MEI4: variants seen among roughly 807,000 people sequenced by gnomAD.
MEI4 encodes meiosis-specific protein MEI4.
Under a neutral mutation model 31.4 loss-of-function variants are expected in MEI4, and 27 were observed. The observed-to-expected ratio is 0.86, with a 90% CI of 0.63 to 1.19. The LOEUF (loss-of-function observed/expected upper bound fraction) is 1.19. Ranked by LOEUF, MEI4 falls within the 50% of genes most tolerant of loss-of-function variation. The pLI, the probability that MEI4 is intolerant of heterozygous loss-of-function variation, is 0.00. For synonymous variants in MEI4, 122 were observed against 145.4 expected (o/e 0.84, Z 1.16); for missense variants, 329 against 398.9 (o/e 0.82, Z 1.49).
chr6:77,690,907 A>G lies in MEI4; in HGVS notation c.232+4A>G, dbSNP rs72896583. The G allele has an allele frequency of 0.1, 124,860 of 1,224,990 alleles. 7,031 individuals carry two copies. Among genetic ancestry groups the G allele is most frequent in the Admixed American group, 0.14 (3,317 of 23,662 alleles). 75.9% of individuals were successfully genotyped at this position (1,224,990 alleles called of 1,614,324 possible). ...TGTTCAGGATCCTTTAAGAGTGGTGAGTATATAAAATTGCCTTTTGGTAGT... is the reference window on the plus strand; with the variant it reads ...TGTTCAGGATCCTTTAAGAGTGGTGGGTATATAAAATTGCCTTTTGGTAGT... On this transcript the variant is annotated splice_donor_region_variant and intron_variant, in intron 2 of 4. Coordinates refer to ENST00000684080, the MANE Select transcript of MEI4 (RefSeq NM_001322247.2).
chr6:77,810,264 T>C (rs1031660180), intron 3 of MEI4, among the ~76,000 whole-genome samples: 5 of 152,154 alleles, frequency 3.3e-5, no homozygotes, highest in African/African-American at 1.2e-4. Context: ...GAAAAATCTG[T>C]AGTTAACACT....
At chr6:77,706,783 C>G (rs1252235565) in intron 2 of MEI4, among the ~76,000 whole-genome samples, 1 of 152,120 alleles carries the variant, frequency 6.6e-6, no homozygotes, top group African/African-American at 2.4e-5. Flanking sequence ...CTCTTGCTTC[C>G]TGACTCACCA....
At chr6:77,866,348 A>T (rs1051333945) in intron 4 of MEI4, among the ~76,000 whole-genome samples, 10 of 152,164 alleles carry the variant, frequency 6.6e-5, no homozygotes, top group African/African-American at 2.4e-4. Flanking sequence ...CTCAGCCCAA[A>T]ATCTCCTTAA....
rs1768304955 is a variant in MEI4, at chr6:77,771,133, A to AATCG, written c.768+9470_768+9473dup. Among the ~76,000 whole-genome samples the AATCG allele has an allele frequency of 3.3e-5, 5 of 152,158 alleles. No individual in the cohort carries two copies. In the South Asian group the frequency reaches 1.0e-3, roughly 32 times the overall value. ...CTATTACGAGTTGGAAAAGGACATG[A>AATCG]ATCGACACTTTTCAAAAGAAGACAT... On this transcript the variant is annotated intron_variant, in intron 3 of 4. Transcript: ENST00000684080.
chr6:77,837,683 A>G (rs1357528104), intron 4 of MEI4, among the ~76,000 whole-genome samples: 2 of 152,278 alleles, frequency 1.3e-5, no homozygotes, highest in East Asian at 3.9e-4. Flanking sequence ...TTTACATAAA[A>G]TGTTTGCCAA....
At chr6:77,918,207 C>G (rs1390271737) in intron 4 of MEI4, among the ~76,000 whole-genome samples, 1 of 151,974 alleles carries the variant, frequency 6.6e-6, no homozygotes, top group Non-Finnish European at 1.5e-5. Context: ...AGTATGATGG[C>G]TCCAGCTTTG....
chr6:77,716,598 G>A (rs1285667517), intron 2 of MEI4, among the ~76,000 whole-genome samples: 3 of 152,164 alleles, frequency 2.0e-5, no homozygotes, highest in Admixed American at 2.0e-4. Flanking sequence ...CAAAAAAGGG[G>A]AGTAACTTGG....
chr6:77,825,007 C>G (rs1228687443), intron 3 of MEI4, among the ~76,000 whole-genome samples: 1 of 149,692 alleles, frequency 6.7e-6, no homozygotes, highest in Non-Finnish European at 1.5e-5. Context: ...CCTCTGATCT[C>G]AACTTTTTTT....
intron 3 of MEI4, among the ~76,000 whole-genome samples, chr6:77,775,035 C>T (rs1768403809): frequency 6.6e-6 from 1 of 152,060 alleles, no homozygotes; most frequent in South Asian, 2.1e-4. Flanking sequence ...TCTGTCTGCT[C>T]CATCTTCACA....
chr6:77,728,187 A>G (rs1766877237), intron 2 of MEI4, among the ~76,000 whole-genome samples: 1 of 152,244 alleles, frequency 6.6e-6, no homozygotes. Context: ...AAGTTAAAAA[A>G]ATATTTTTCA....
At chr6:77,660,859 G>A (rs888087725) in intron 1 of MEI4, among the ~76,000 whole-genome samples, 2 of 152,036 alleles carry the variant, frequency 1.3e-5, no homozygotes, top group African/African-American at 2.4e-5. Flanking sequence ...AGTAGGGTCC[G>A]GTCCATTGAG....
chr6:77,782,706 C>G (rs903139743), intron 3 of MEI4, among the ~76,000 whole-genome samples: 1 of 152,118 alleles, frequency 6.6e-6, no homozygotes, highest in African/African-American at 2.4e-5. Context: ...TTATTGTCAT[C>G]TATAGGTTCT....
intron 4 of MEI4, among the ~76,000 whole-genome samples, chr6:77,829,436 A>G (rs781697588): frequency 6.6e-6 from 1 of 152,158 alleles, no homozygotes; most frequent in Non-Finnish European, 1.5e-5. Flanking sequence ...AGTATTTTTC[A>G]TTCTGTATTG....
chr6:77,658,107 G>A (rs1361782541), intron 1 of MEI4, among the ~76,000 whole-genome samples: 2 of 152,222 alleles, frequency 1.3e-5, no homozygotes, highest in African/African-American at 2.4e-5. Flanking sequence ...GGCGGGCTGA[G>A]TCCGAAAAGA....
intron 1 of MEI4, among the ~76,000 whole-genome samples, chr6:77,683,573 C>A (rs904232845): frequency 1.1e-4 from 17 of 152,018 alleles, no homozygotes; most frequent in Non-Finnish European, 2.9e-5. Flanking sequence ...TGGCCCCCAC[C>A]CTTGGAAACC....
chr6:77,712,572 A>G (rs1276584086), intron 2 of MEI4, among the ~76,000 whole-genome samples: 1 of 152,226 alleles, frequency 6.6e-6, no homozygotes, highest in Non-Finnish European at 1.5e-5. Flanking sequence ...TGCTTAATAT[A>G]AAAGACTTAT....
At chr6:77,830,408 G>T (rs1191882884) in intron 4 of MEI4, among the ~76,000 whole-genome samples, 1 of 152,062 alleles carries the variant, frequency 6.6e-6, no homozygotes, top group African/African-American at 2.4e-5. Context: ...CCATGAAGCG[G>T]TTATAATTTT....
chr6:77,857,126 G>A (rs1770765199), intron 4 of MEI4, among the ~76,000 whole-genome samples: 1 of 152,060 alleles, frequency 6.6e-6, no homozygotes, highest in African/African-American at 2.4e-5. Context: ...GGTTTAGAAT[G>A]AAGTTTTACA....
At chr6:77,710,066 T>C (rs999634123) in intron 2 of MEI4, among the ~76,000 whole-genome samples, 4 of 152,154 alleles carry the variant, frequency 2.6e-5, no homozygotes, top group Non-Finnish European at 4.4e-5. Flanking sequence ...GATTTATACT[T>C]TTCTAGTCCC....
Sources: gnomAD v4.1 joint callset for allele counts (sites outside exome capture counted in the v4.1 genomes callset) on GRCh38, gnomAD v4.1.1 for gene constraint, MANE v1.5 for transcripts, NCBI Gene and HGNC (gene_info 2026-07-23, HGNC 2026-07-21) for gene names.